Variants in PLCB1 observed in about 807,000 individuals in gnomAD.
The protein encoded by PLCB1 is 1-phosphatidylinositol 4,5-bisphosphate phosphodiesterase beta-1.
PLCB1 carries 46 observed loss-of-function variants against 161.8 expected under a neutral mutation model. That is an observed-to-expected ratio of 0.28 (90% CI 0.22 to 0.36). The LOEUF (loss-of-function observed/expected upper bound fraction) is 0.36. PLCB1 is among the 10% of genes least tolerant of loss of function. The probability of loss-of-function intolerance (pLI) is 1.00; values close to 1 mark genes in which losing one functional copy is unlikely to be tolerated. For synonymous variants in PLCB1, 517 were observed against 503.7 expected (o/e 1.03, Z -0.35); for missense variants, 1,016 against 1,472.5 (o/e 0.69, Z 5.07).
chr20:8,189,453 A>T (rs1330041302), intron 2 of PLCB1, among the ~76,000 whole-genome samples: 1 of 151,800 alleles, frequency 6.6e-6, no homozygotes, highest in Non-Finnish European at 1.5e-5. Flanking sequence ...GAAGGATTTT[A>T]ATTGTGCATG....
chr20:8,693,871 G>A (rs570958441), intron 10 of PLCB1, among the ~76,000 whole-genome samples: 1 of 152,158 alleles, frequency 6.6e-6, no homozygotes, highest in Non-Finnish European at 1.5e-5. Flanking sequence ...GTGACTTGGG[G>A]CAGTATTATG....
chr20:8,239,274 G>C (rs148389467), intron 2 of PLCB1, among the ~76,000 whole-genome samples: 1 of 151,978 alleles, frequency 6.6e-6, no homozygotes, highest in Non-Finnish European at 1.5e-5. Flanking sequence ...TGATGGATAA[G>C]AAGAGACCCA....
At chr20:8,877,807 T>C (rs1488730886) in intron 31 of PLCB1, among the ~76,000 whole-genome samples, 1 of 152,232 alleles carries the variant, frequency 6.6e-6, no homozygotes, top group Non-Finnish European at 1.5e-5. Flanking sequence ...TCATTAATAA[T>C]TGTATGGCTG....
At chr20:8,225,794 A>G (rs1317175453) in intron 2 of PLCB1, among the ~76,000 whole-genome samples, 1 of 152,232 alleles carries the variant, frequency 6.6e-6, no homozygotes, top group Non-Finnish European at 1.5e-5. Flanking sequence ...TGGATGGGAC[A>G]GTGACTTTAA....
intron 3 of PLCB1, among the ~76,000 whole-genome samples, chr20:8,426,894 T>C (rs2122564257): frequency 6.6e-6 from 1 of 152,234 alleles, no homozygotes; most frequent in South Asian, 2.1e-4. Context: ...AATGAGAAAC[T>C]CACATAAAAT....
At chr20:8,197,305 A>G (rs1482040802) in intron 2 of PLCB1, among the ~76,000 whole-genome samples, 1 of 152,110 alleles carries the variant, frequency 6.6e-6, no homozygotes, top group Non-Finnish European at 1.5e-5. Context: ...CTATTTCTCC[A>G]TATCCTCTCC....
intron 2 of PLCB1, among the ~76,000 whole-genome samples, chr20:8,302,213 C>A (rs142211909): frequency 6.6e-6 from 1 of 152,168 alleles, no homozygotes; most frequent in Admixed American, 6.6e-5. Flanking sequence ...TCTTTGCAAG[C>A]TTTAACCTAC....
In PLCB1 at chr20:8,139,851, T is replaced by C. The variant is rs140109710; in HGVS notation, c.99+7101T>C. Among the ~76,000 whole-genome samples, 877 of 152,324 alleles carry C rather than the reference T, an allele frequency of 5.8e-3. 10 individuals carry two copies. The highest frequency in any genetic ancestry group is 8.5e-3 in the Non-Finnish European group (579 of 68,026). ...TCTTATAATACAAAATCTGGACTTCTAAAGCTACATTTACCAGACTCCTTT... is the reference window on the plus strand; with the variant it reads ...TCTTATAATACAAAATCTGGACTTCCAAAGCTACATTTACCAGACTCCTTT... On this transcript the variant is annotated intron_variant, in intron 1 of 31. Transcript: ENST00000338037.
intron 2 of PLCB1, among the ~76,000 whole-genome samples, chr20:8,183,755 C>T (rs2051871875): frequency 6.6e-6 from 1 of 152,156 alleles, no homozygotes; most frequent in Non-Finnish European, 1.5e-5. Context: ...GTGCATGTTT[C>T]ACAATCCACA....
intron 2 of PLCB1, among the ~76,000 whole-genome samples, chr20:8,296,718 C>A (rs1983647448): frequency 1.3e-5 from 2 of 152,070 alleles, no homozygotes; most frequent in South Asian, 4.1e-4. Flanking sequence ...TTATTGATCC[C>A]CCTGTCCCAC....
At chr20:8,527,629 A>T (rs995447537) in intron 3 of PLCB1, among the ~76,000 whole-genome samples, 5 of 152,100 alleles carry the variant, frequency 3.3e-5, no homozygotes, top group African/African-American at 1.2e-4. Context: ...TGTGAGGCAT[A>T]GTACAGTCTG....
intron 3 of PLCB1, among the ~76,000 whole-genome samples, chr20:8,527,414 A>G (rs1217935137): frequency 6.6e-6 from 1 of 152,118 alleles, no homozygotes; most frequent in Non-Finnish European, 1.5e-5. Flanking sequence ...CATGGATTCA[A>G]TAACTATACT....
At chr20:8,321,076 T>C (rs1984900021) in intron 2 of PLCB1, among the ~76,000 whole-genome samples, 1 of 152,152 alleles carries the variant, frequency 6.6e-6, no homozygotes, top group Non-Finnish European at 1.5e-5. Flanking sequence ...TATTTTTCTG[T>C]CATCCTCAAT....
At chr20:8,607,996 A>T (rs1459837225) in intron 3 of PLCB1, among the ~76,000 whole-genome samples, 1 of 152,096 alleles carries the variant, frequency 6.6e-6, no homozygotes, top group Non-Finnish European at 1.5e-5. Context: ...TGTACACCAT[A>T]TATATATACA....
intron 31 of PLCB1, among the ~76,000 whole-genome samples, chr20:8,847,824 T>C (rs143525951): frequency 1.4e-4 from 21 of 152,348 alleles, no homozygotes; most frequent in African/African-American, 5.0e-4. Context: ...AACAGCCAGA[T>C]GAAGAGGTAT....
intron 3 of PLCB1, among the ~76,000 whole-genome samples, chr20:8,430,308 G>C (rs6055811): frequency 6.6e-6 from 1 of 152,004 alleles, no homozygotes. Flanking sequence ...AGAGGCCTCA[G>C]GTAATGCAAA....
chr20:8,171,712 C>T (rs1166506639), intron 2 of PLCB1, among the ~76,000 whole-genome samples: 1 of 152,100 alleles, frequency 6.6e-6, no homozygotes, highest in Non-Finnish European at 1.5e-5. Context: ...TATTACTTCT[C>T]ATTGTAGTCT....
chr20:8,321,565 C>A (rs1234483395), intron 2 of PLCB1, among the ~76,000 whole-genome samples: 1 of 152,126 alleles, frequency 6.6e-6, no homozygotes, highest in African/African-American at 2.4e-5. Flanking sequence ...ATTCTGATAA[C>A]AAGCCAAAGA....
At chr20:8,781,935 A>T (rs1600322995) in intron 27 of PLCB1, among the ~76,000 whole-genome samples, 1 of 152,148 alleles carries the variant, frequency 6.6e-6, no homozygotes, top group Non-Finnish European at 1.5e-5. Context: ...TGGGAGCTAC[A>T]CGATGAGATT....
Sources: gnomAD v4.1 joint callset for allele counts (sites outside exome capture counted in the v4.1 genomes callset) on GRCh38, gnomAD v4.1.1 for gene constraint, MANE v1.5 for transcripts, NCBI Gene and HGNC (gene_info 2026-07-23, HGNC 2026-07-21) for gene names.